AGMO: variants seen among roughly 807,000 people sequenced by gnomAD.
The protein encoded by AGMO is alkylglycerol monooxygenase.
AGMO carries 75 observed loss-of-function variants against 60.2 expected under a neutral mutation model. The observed-to-expected ratio is 1.25, with a 90% CI of 1.03 to 1.51. The LOEUF (loss-of-function observed/expected upper bound fraction) is 1.51, where lower values mean the gene tolerates loss of function less well. Among genes scored for constraint, AGMO ranks in the 40% most tolerant of loss-of-function variants. The pLI is 0.00. For synonymous variants in AGMO, 261 were observed against 177.1 expected (o/e 1.47, Z -3.76); for missense variants, 763 against 525.5 (o/e 1.45, Z -4.42).
the AGMO span, among the ~76,000 whole-genome samples, chr7:15,184,350 G>T: frequency 4.1e-5 from 1 of 24,436 alleles, no homozygotes; most frequent in Non-Finnish European, 6.7e-5. Context: ...AGGAAAGAAG[G>T]GAGGGAGGGA....
At chr7:15,145,319 T>C in the AGMO span, among the ~76,000 whole-genome samples, 1 of 151,942 alleles carries the variant, frequency 6.6e-6, no homozygotes, top group African/African-American at 2.4e-5. Flanking sequence ...ATTATAAAAA[T>C]CCTATAAAAT....
chr7:15,544,311 A>G (rs559102557), intron 3 of AGMO, among the ~76,000 whole-genome samples: 1 of 152,252 alleles, frequency 6.6e-6, no homozygotes, highest in East Asian at 1.9e-4. Flanking sequence ...TCGGAAATCA[A>G]AACTGAAGAA....
At chr7:15,346,464 G>A (rs1007991381) in intron 12 of AGMO, among the ~76,000 whole-genome samples, 1 of 151,724 alleles carries the variant, frequency 6.6e-6, no homozygotes, top group African/African-American at 2.4e-5. Flanking sequence ...TTGTAAAACA[G>A]GCCATTATTT....
intron 12 of AGMO, among the ~76,000 whole-genome samples, chr7:15,220,309 T>C (rs1781880930): frequency 6.9e-6 from 1 of 145,878 alleles, no homozygotes; most frequent in African/African-American, 2.6e-5. Context: ...AACCTCTGCC[T>C]CCTGGGTTCA....
At chr7:15,317,309 AG>A (rs1780955071) in intron 12 of AGMO, among the ~76,000 whole-genome samples, 3 of 152,332 alleles carry the variant, frequency 2.0e-5, no homozygotes, top group African/African-American at 7.2e-5. Context: ...GACCCGGAAA[AG>A]TAGTCAAGTA....
intron 12 of AGMO, among the ~76,000 whole-genome samples, chr7:15,230,341 A>C: frequency 6.7e-6 from 1 of 150,010 alleles, no homozygotes; most frequent in South Asian, 2.1e-4. Context: ...AATTTAAGGT[A>C]AAAAAAAAAT....
At chr7:15,369,163 A>C (rs1057452099) in intron 10 of AGMO, among the ~76,000 whole-genome samples, 1 of 152,026 alleles carries the variant, frequency 6.6e-6, no homozygotes, top group Non-Finnish European at 1.5e-5. Context: ...CAGCACAATT[A>C]ATACCCTATT....
intron 12 of AGMO, among the ~76,000 whole-genome samples, chr7:15,322,517 A>T (rs866652218): frequency 8.0e-5 from 6 of 74,910 alleles, no homozygotes; most frequent in Non-Finnish European, 1.1e-4. Flanking sequence ...TATATATATA[A>T]ATATATATAA....
At chr7:15,275,891 T>C (rs977144345) in intron 12 of AGMO, among the ~76,000 whole-genome samples, 2 of 152,184 alleles carry the variant, frequency 1.3e-5, no homozygotes, top group East Asian at 3.8e-4. Context: ...GTGTGATATG[T>C]TTTTTTCCAC....
chr7:15,515,756 T>C (rs1783792204), intron 3 of AGMO, among the ~76,000 whole-genome samples: 1 of 152,232 alleles, frequency 6.6e-6, no homozygotes, highest in Admixed American at 6.5e-5. Context: ...AGCACAATGT[T>C]GTCCTGTAGG....
intron 12 of AGMO, among the ~76,000 whole-genome samples, chr7:15,217,754 T>C (rs147341997): frequency 1.3e-5 from 2 of 151,836 alleles, no homozygotes; most frequent in South Asian, 4.2e-4. Flanking sequence ...TAACTGAAAT[T>C]CAAGAAAGTA....
intron 10 of AGMO, among the ~76,000 whole-genome samples, chr7:15,381,722 A>G (rs141344577): frequency 2.4e-3 from 370 of 152,252 alleles, no homozygotes; most frequent in African/African-American, 8.0e-3. Context: ...AAATGCATAC[A>G]TATGTTCACT....
chr7:15,494,405 C>T (rs1191683866), intron 3 of AGMO, among the ~76,000 whole-genome samples: 2 of 152,164 alleles, frequency 1.3e-5, no homozygotes, highest in African/African-American at 4.8e-5. Flanking sequence ...AATTAATGCA[C>T]TCTAAATATG....
At chr7:15,547,482 G>A (rs1380042502) in intron 2 of AGMO, among the ~76,000 whole-genome samples, 1 of 152,124 alleles carries the variant, frequency 6.6e-6, no homozygotes, top group East Asian at 1.9e-4. Flanking sequence ...AGCCGAAGCA[G>A]GGCAAGGCAT....
chr7:15,512,621 A>G lies in AGMO; in HGVS notation c.409+32151T>C, dbSNP rs114201258. Among the ~76,000 whole-genome samples, 410 of 152,330 alleles carry G rather than the reference A, an allele frequency of 2.7e-3. 2 individuals are homozygous for G. The highest frequency in any genetic ancestry group is 9.5e-3 in the African/African-American group (396 of 41,578). On this transcript the variant is annotated intron_variant, in intron 3 of 12. Transcript: ENST00000342526. ...GAGGTTTGCCTACATATTTAGTTGAATTGACTATTTGGAGTGTCTCACATA... is the reference window on the plus strand; with the variant it reads ...GAGGTTTGCCTACATATTTAGTTGAGTTGACTATTTGGAGTGTCTCACATA...
chr7:15,271,403 C>G (rs1686295162), intron 12 of AGMO, among the ~76,000 whole-genome samples: 1 of 151,842 alleles, frequency 6.6e-6, no homozygotes, highest in Admixed American at 6.6e-5. Context: ...AAATGTATTC[C>G]TAGGTATTTT....
intron 12 of AGMO, among the ~76,000 whole-genome samples, chr7:15,274,379 G>T (rs908585804): frequency 3.3e-5 from 5 of 152,140 alleles, no homozygotes; most frequent in African/African-American, 1.2e-4. Context: ...AGATAATCAT[G>T]CGGTTTTTGT....
chr7:15,369,477 TC>T (rs376457507), intron 10 of AGMO, among the ~76,000 whole-genome samples: 12 of 152,076 alleles, frequency 7.9e-5, no homozygotes, highest in Non-Finnish European at 1.3e-4. Context: ...ACAAACATTT[TC>T]CCCACTCAAG....
At chr7:15,286,318 T>C (rs980740724) in intron 12 of AGMO, among the ~76,000 whole-genome samples, 3 of 151,916 alleles carry the variant, frequency 2.0e-5, no homozygotes, top group Non-Finnish European at 4.4e-5. Context: ...TTGCAAACTA[T>C]GCATCTGACA....
Sources: gnomAD v4.1 joint callset for allele counts (sites outside exome capture counted in the v4.1 genomes callset) on GRCh38, gnomAD v4.1.1 for gene constraint, MANE v1.5 for transcripts, NCBI Gene and HGNC (gene_info 2026-07-23, HGNC 2026-07-21) for gene names.